C1QL3: variants seen among roughly 807,000 people sequenced by gnomAD.
The protein encoded by C1QL3 is complement C1q-like protein 3.
A neutral mutation model predicts 16.6 loss-of-function variants in C1QL3; 4 were observed. The ratio of observed to expected loss-of-function variants is 0.24; its 90% CI spans 0.12 to 0.55. The LOEUF is 0.55. C1QL3 is among the 20% of genes least tolerant of loss of function. The pLI is 0.94. For missense variants in C1QL3, 269 were observed against 365.6 expected (o/e 0.74, Z 2.16); for synonymous variants, 189 against 160.2 (o/e 1.18, Z -1.36).
intron 1 of C1QL3, among the ~76,000 whole-genome samples, chr10:16,517,537 G>A (rs1836970322): frequency 6.6e-6 from 1 of 152,124 alleles, no homozygotes. Context: ...CTGCTAAAAG[G>A]ATTATCAACA....
rs1405706012 is a variant in C1QL3, at chr10:16,521,719, C to A, written c.-654G>T. 6.5e-6 allele frequency: 1 copy of A among 153,382 alleles called. No homozygotes were observed. The highest frequency in any genetic ancestry group is 1.9e-4 in the South Asian group (1 of 5,144). The allele number at this position is 153,382 out of a possible 1,614,324, so 9.5% of individuals were successfully genotyped here. ...CGTGGGCCCGGGCGTCCCCCGGGTG[C>A]GCCCAGCGGCGGCGGCGGCGGGCAC... On this transcript the variant is annotated 5_prime_UTR_variant, in exon 1 of 2. Transcript: ENST00000298943.
At chr10:16,516,031 T>G (rs1344605668) in intron 1 of C1QL3, among the ~76,000 whole-genome samples, 10 of 152,194 alleles carry the variant, frequency 6.6e-5, no homozygotes, top group Admixed American at 1.3e-4. Flanking sequence ...AGTCTCACGT[T>G]AATGCTGAAA....
intron 1 of C1QL3, among the ~76,000 whole-genome samples, chr10:16,519,705 C>T (rs1219002109): frequency 1.3e-5 from 2 of 152,040 alleles, no homozygotes; most frequent in African/African-American, 4.8e-5. Context: ...GAACCGGTCG[C>T]CCCCCAGGCC....
At chr10:16,517,967 A>G (rs1424271887) in intron 1 of C1QL3, among the ~76,000 whole-genome samples, 1 of 151,772 alleles carries the variant, frequency 6.6e-6, no homozygotes, top group African/African-American at 2.4e-5. Flanking sequence ...GTTACAGTCC[A>G]GAAGCATTTC....
chr10:16,520,829 T>C lies in C1QL3; in HGVS notation c.237A>G (p.Gly79=). The C allele has an allele frequency of 2.2e-6, 3 of 1,379,630 alleles. No homozygotes were observed. The highest frequency in any genetic ancestry group is 2.8e-6 in the Non-Finnish European group (3 of 1,069,516). 85.5% of individuals were successfully genotyped at this position (1,379,630 alleles called of 1,614,324 possible). Residue 79 remains glycine (G), a synonymous_variant, in exon 1 of 2, where the codon GGA becomes GGG. Coordinates refer to ENST00000298943, the MANE Select transcript of C1QL3 (RefSeq NM_001010908.2). The surrounding 1 kb of genome is among the most constrained non-coding windows in gnomAD (Gnocchi z 8.3). ...PGKAGPRGPP[G]EPGPPGPMGP... ...CCATGGGGCCGGGTGGCCCGGGCTC[T>C]CCGGGGGGCCCGCGCGGACCCGCCT...
Position 16,514,287 on chromosome 10 carries a change from A to G in C1QL3, c.*241T>C. 1.8e-6 allele frequency: 1 copy of G among 557,406 alleles called. No homozygotes were observed. The highest frequency in any genetic ancestry group is 3.2e-6 in the Non-Finnish European group (1 of 316,858). The allele number at this position is 557,406 out of a possible 1,614,324, so 34.5% of individuals were successfully genotyped here. A position where few individuals can be genotyped will look rare whatever the true frequency, so the allele number is the denominator to read the frequency against. ...TATATAGGACTTCATTCACATGGAC[A>G]CTAACGATAAGGAGTATTTGCTTTG... On this transcript the variant is annotated 3_prime_UTR_variant, in exon 2 of 2. Transcript: ENST00000298943.
Position 16,514,031 on chromosome 10 carries a change from A to G in C1QL3, c.*497T>C. On this transcript the variant is annotated 3_prime_UTR_variant, in exon 2 of 2. Transcript: ENST00000298943. ...TAAGGTTAACAAGAGTACAAGGCAA[A>G]CAATTTCTTTGGGGACAAGCAGCAT... 3.2e-6 allele frequency: 1 copy of G among 316,562 alleles called. No individual in the cohort carries two copies. Among genetic ancestry groups the G allele is most frequent in the Non-Finnish European group, 5.7e-6 (1 of 174,750 alleles). The allele number at this position is 316,562 out of a possible 1,614,324, so 19.6% of individuals were successfully genotyped here.
At position 16,521,095 on chromosome 10, in the gene C1QL3, G is replaced by C. The variant is rs760147940; in HGVS notation, c.-30C>G. On this transcript the variant is annotated 5_prime_UTR_variant, in exon 1 of 2. Coordinates refer to ENST00000298943, the MANE Select transcript of C1QL3 (RefSeq NM_001010908.2). ...ACCCCCAGCGCCCCGGCGGCGATCA[G>C]GCGCCTCCTGCTGCCCACCAGCCGG... 6.4e-7 allele frequency: 1 copy of C among 1,564,302 alleles called. No individual in the cohort carries two copies. Among genetic ancestry groups the C allele is most frequent in the Admixed American group, 1.8e-5 (1 of 56,872 alleles).
At chr10:16,517,807 C>T (rs1836977217) in intron 1 of C1QL3, among the ~76,000 whole-genome samples, 1 of 152,168 alleles carries the variant, frequency 6.6e-6, no homozygotes, top group Non-Finnish European at 1.5e-5. Flanking sequence ...TTAATTGCTA[C>T]TGATGTTCTC....
In C1QL3 at chr10:16,513,858, A is replaced by G. The variant is rs1836904384; in HGVS notation, c.*670T>C. On this transcript the variant is annotated 3_prime_UTR_variant, in exon 2 of 2. Coordinates refer to ENST00000298943, the MANE Select transcript of C1QL3 (RefSeq NM_001010908.2). ...ATCCTATGATACACTGTCAATCTCT[A>G]TTTTTAAAGACTATCACCAGAAAAG... 6.5e-6 allele frequency: 1 copy of G among 153,522 alleles called. No individual in the cohort carries two copies. Among genetic ancestry groups the G allele is most frequent in the African/African-American group, 2.4e-5 (1 of 41,488 alleles). The allele number at this position is 153,522 out of a possible 1,614,324, so 9.5% of individuals were successfully genotyped here. A position where few individuals can be genotyped will look rare whatever the true frequency, so the allele number is the denominator to read the frequency against.
intron 1 of C1QL3, among the ~76,000 whole-genome samples, chr10:16,515,112 G>A (rs999482928): frequency 6.6e-6 from 1 of 151,566 alleles, no homozygotes; most frequent in Non-Finnish European, 1.5e-5. Context: ...AGCTGTTTAT[G>A]AGTACAGAAG....
rs1380489011 is a variant in C1QL3 at position 16,521,080 on chromosome 10, C to T, written c.-15G>A. Reference sequence around the variant, plus strand: ...AGCAGCACCATCACCACCCCCAGCGCCCCGGCGGCGATCAGGCGCCTCCTG... The same window carrying T: ...AGCAGCACCATCACCACCCCCAGCGTCCCGGCGGCGATCAGGCGCCTCCTG... On this transcript the variant is annotated 5_prime_UTR_variant, in exon 1 of 2. Coordinates refer to ENST00000298943, the MANE Select transcript of C1QL3 (RefSeq NM_001010908.2). 3 of 1,588,870 alleles carry T rather than the reference C, an allele frequency of 1.9e-6. No homozygotes were observed. Among genetic ancestry groups the T allele is most frequent in the Middle Eastern group, 1.7e-4 (1 of 5,906 alleles).
At chr10:16,519,125 CTT>C (rs1836995629) in intron 1 of C1QL3, among the ~76,000 whole-genome samples, 1 of 45,338 alleles carries the variant, frequency 2.2e-5, no homozygotes, top group Non-Finnish European at 4.3e-5. Context: ...TTTTTTCTCT[CTT>C]ACGCATTTAG....
intron 1 of C1QL3, among the ~76,000 whole-genome samples, chr10:16,516,292 G>T (rs968679980): frequency 1.3e-5 from 2 of 152,102 alleles, no homozygotes; most frequent in Non-Finnish European, 2.9e-5. Context: ...AAATAATGAC[G>T]CAGTTTGACT....
chr10:16,515,631 C>G (rs780953960), intron 1 of C1QL3, among the ~76,000 whole-genome samples: 3 of 152,172 alleles, frequency 2.0e-5, no homozygotes, highest in African/African-American at 7.2e-5. Flanking sequence ...CATTTACAAA[C>G]AGTCAAATTG....
intron 1 of C1QL3, among the ~76,000 whole-genome samples, chr10:16,517,752 G>A (rs894069166): frequency 2.6e-5 from 4 of 152,092 alleles, no homozygotes; most frequent in Non-Finnish European, 5.9e-5. Context: ...TATTAGTGAG[G>A]ATCTATCATT....
At chr10:16,519,809 A>G (rs982372406) in intron 1 of C1QL3, among the ~76,000 whole-genome samples, 2 of 151,998 alleles carry the variant, frequency 1.3e-5, no homozygotes, top group African/African-American at 4.8e-5. Flanking sequence ...AATCTCAACT[A>G]TTCTTTTTGT....
rs1353095034 is a variant in C1QL3, at chr10:16,513,761, T to G, written c.*767A>C. ...TCCCAGTGAATCTAAATGTATTCAGTTGACAAAATGGACACATAAGGGCTT... is the reference window on the plus strand; with the variant it reads ...TCCCAGTGAATCTAAATGTATTCAGGTGACAAAATGGACACATAAGGGCTT... On this transcript the variant is annotated 3_prime_UTR_variant, in exon 2 of 2. Coordinates refer to ENST00000298943, the MANE Select transcript of C1QL3 (RefSeq NM_001010908.2). 1 of 152,586 alleles carries G rather than the reference T, an allele frequency of 6.6e-6. No individual in the cohort carries two copies. Among genetic ancestry groups the G allele is most frequent in the East Asian group, 1.9e-4 (1 of 5,204 alleles). The allele number at this position is 152,586 out of a possible 1,614,324, so 9.5% of individuals were successfully genotyped here. A position where few individuals can be genotyped will look rare whatever the true frequency, so the allele number is the denominator to read the frequency against.
In C1QL3 at chr10:16,514,618, T is replaced by C. The variant is rs1489788199; in HGVS notation, c.678A>G (p.Glu226=). 1 of 1,613,778 alleles carries C rather than the reference T, an allele frequency of 6.2e-7. No homozygotes were observed. Among genetic ancestry groups the C allele is most frequent in the Non-Finnish European group, 8.5e-7 (1 of 1,179,768 alleles). The change falls in exon 2 of 2, where the codon GAA becomes GAG. Residue 226 remains glutamate, a synonymous_variant. Transcript: ENST00000298943. ...SVVLHLEPGD[E]VYIKLDGGKA... The stretch of plus-strand genomic sequence containing the variant: ...TCCCGCCATCTAATTTGATATAGAC[T>C]TCATCTCCCGGCTCCAAATGAAGAA...
Sources: allele counts gnomAD v4.1 joint callset (sites outside exome capture counted in the v4.1 genomes callset), GRCh38; gene constraint gnomAD v4.1.1; non-coding constraint Gnocchi (gnomAD v3.1); transcripts MANE v1.5; gene names NCBI Gene and HGNC (gene_info 2026-07-23, HGNC 2026-07-21).